ADD3: variants seen among roughly 807,000 people sequenced by gnomAD.
The protein encoded by ADD3 is adducin 3, also known as gamma-adducin.
In ADD3, 25 loss-of-function variants were observed where a neutral mutation model predicts 80.2. The observed-to-expected ratio is 0.31, with a 90% CI of 0.23 to 0.44. The LOEUF (loss-of-function observed/expected upper bound fraction) is 0.44. ADD3 is among the 20% of genes least tolerant of loss of function. ADD3 has a pLI of 1.00. For missense variants in ADD3, 829 were observed against 847.5 expected (o/e 0.98, Z 0.27); for synonymous variants, 284 against 289.6 (o/e 0.98, Z 0.20).
chr10:110,093,445 A>G (rs1240971425), intron 1 of ADD3, among the ~76,000 whole-genome samples: 1 of 152,224 alleles, frequency 6.6e-6, no homozygotes, highest in East Asian at 1.9e-4. Flanking sequence ...GCTAAATTAT[A>G]TTAAAGTGAA....
At position 110,074,694 on chromosome 10, in the gene ADD3, G is replaced by A. The variant is rs192094587; in HGVS notation, c.-29-25931G>A. Among the ~76,000 whole-genome samples the A allele has an allele frequency of 6.1e-4, 93 of 151,242 alleles. 1 individual carries two copies. Among genetic ancestry groups the A allele is most frequent in the African/African-American group, 2.2e-3 (89 of 41,092 alleles). ...AATAACTAATCGCAAGTCATTTTAT[G>A]TACTGAAAATACAATATGACAGAAT... On this transcript the variant is annotated intron_variant, in intron 1 of 14. Coordinates refer to ENST00000356080, the MANE Select transcript of ADD3 (RefSeq NM_016824.5).
At chr10:110,122,659 G>A (rs1237581863) in intron 9 of ADD3, among the ~76,000 whole-genome samples, 1 of 149,382 alleles carries the variant, frequency 6.7e-6, no homozygotes, top group Non-Finnish European at 1.5e-5. Context: ...TTGGAGGCAG[G>A]ATCTTGCTTG....
intron 2 of ADD3, among the ~76,000 whole-genome samples, chr10:110,110,448 A>G (rs1849872044): frequency 2.0e-5 from 3 of 151,974 alleles, no homozygotes. Context: ...TTCACTGTTG[A>G]CTCAGATGTT....
intron 1 of ADD3, among the ~76,000 whole-genome samples, chr10:110,093,922 A>G (rs1847851517): frequency 6.6e-6 from 1 of 152,176 alleles, no homozygotes; most frequent in Non-Finnish European, 1.5e-5. Context: ...CTATTTTTGA[A>G]CAGTGGTTGA....
intron 1 of ADD3, among the ~76,000 whole-genome samples, chr10:110,082,699 T>A (rs766227943): frequency 6.6e-6 from 1 of 152,254 alleles, no homozygotes; most frequent in Non-Finnish European, 1.5e-5. Flanking sequence ...TCATTATTTG[T>A]ACGTGGTCTC....
intron 1 of ADD3, among the ~76,000 whole-genome samples, chr10:110,058,108 A>AT (rs34287994): frequency 0.017 from 2,434 of 144,404 alleles, 67 homozygotes; most frequent in African/African-American, 0.055. Flanking sequence ...TCTCCTGAAG[A>AT]TTTTTTTTTT....
intron 1 of ADD3, among the ~76,000 whole-genome samples, chr10:110,049,624 A>G (rs1857272810): frequency 6.6e-6 from 1 of 152,188 alleles, no homozygotes; most frequent in Admixed American, 6.5e-5. Flanking sequence ...GCGGTGGCTC[A>G]TGCCTGTAAG....
intron 1 of ADD3, among the ~76,000 whole-genome samples, chr10:110,100,350 A>AG (rs1491259910): frequency 1.5e-5 from 1 of 67,654 alleles, no homozygotes; most frequent in African/African-American, 2.1e-4. Context: ...ACTCCATCTC[A>AG]AAAAAAAAAA....
At chr10:110,079,563 CT>C (rs34455634) in intron 1 of ADD3, among the ~76,000 whole-genome samples, 15 of 125,622 alleles carry the variant, frequency 1.2e-4, no homozygotes, top group South Asian at 5.4e-4. Flanking sequence ...TACTCTTTTC[CT>C]TTTTTTTTTG....
intron 1 of ADD3, among the ~76,000 whole-genome samples, chr10:110,063,095 A>AT (rs974309443): frequency 8.6e-5 from 13 of 152,038 alleles, no homozygotes; most frequent in East Asian, 3.9e-4. Flanking sequence ...CAATGTCTTC[A>AT]TTTTTTTTAA....
chr10:110,115,044 A>G (rs1850539137), intron 3 of ADD3, among the ~76,000 whole-genome samples: 1 of 147,292 alleles, frequency 6.8e-6, no homozygotes, highest in African/African-American at 2.5e-5. Flanking sequence ...ACACCACTGC[A>G]TTGCAGCCTG....
intron 1 of ADD3, among the ~76,000 whole-genome samples, chr10:110,067,985 C>A (rs573426067): frequency 6.6e-6 from 1 of 151,902 alleles, no homozygotes; most frequent in African/African-American, 2.4e-5. Flanking sequence ...TGGAAAAACA[C>A]CCCCTTTCCT....
At chr10:110,098,570 G>A (rs529111933) in intron 1 of ADD3, among the ~76,000 whole-genome samples, 11 of 152,188 alleles carry the variant, frequency 7.2e-5, no homozygotes, top group Admixed American at 5.2e-4. Context: ...TCTGTGACTG[G>A]CTAAAGTTCT....
intron 9 of ADD3, among the ~76,000 whole-genome samples, chr10:110,122,927 C>T (rs1851699825): frequency 6.6e-6 from 1 of 152,024 alleles, no homozygotes; most frequent in African/African-American, 2.4e-5. Context: ...CTGCCATGCC[C>T]AACAAGTTCA....
chr10:110,019,836 A>G (rs1267574413), intron 1 of ADD3, among the ~76,000 whole-genome samples: 1 of 152,210 alleles, frequency 6.6e-6, no homozygotes, highest in African/African-American at 2.4e-5. Context: ...AATGGGGCTA[A>G]TAGAAGATGA....
At chr10:110,041,665 A>C (rs1303390388) in intron 1 of ADD3, among the ~76,000 whole-genome samples, 1 of 152,198 alleles carries the variant, frequency 6.6e-6, no homozygotes, top group Non-Finnish European at 1.5e-5. Context: ...TCTGTCATAC[A>C]AGAAATGCAA....
In ADD3 at chr10:110,125,845, C is replaced by T. The variant is rs764577167; in HGVS notation, c.1421C>T (p.Ser474Leu). 6.9e-6 allele frequency: 11 copies of T among 1,604,202 alleles called. No homozygotes were observed. Among genetic ancestry groups the T allele is most frequent in the Non-Finnish European group, 7.7e-6 (9 of 1,173,904 alleles). ...CTTTAGTGGATGAAAGCAGAAGACT[C>T]ATCTAAAGTTAGTGGTGGAACACCT... ...TKITWMKAED[S>L]SKVSGGTPIK... Residue 474 changes from serine to leucine, a missense_variant, in exon 11 of 15, where the codon TCA becomes TTA. Physicochemically the swap from Ser to Leu is moderately radical, Grantham distance 145. Transcript: ENST00000356080.
chr10:110,062,642 C>A (rs1461421654), intron 1 of ADD3, among the ~76,000 whole-genome samples: 1 of 152,204 alleles, frequency 6.6e-6, no homozygotes, highest in African/African-American at 2.4e-5. Flanking sequence ...AATGTACCCC[C>A]AAAATTTTCA....
intron 1 of ADD3, among the ~76,000 whole-genome samples, chr10:110,013,383 G>A (rs188178210): frequency 4.6e-5 from 7 of 152,306 alleles, no homozygotes; most frequent in East Asian, 1.9e-4. Context: ...GGTTACAGGC[G>A]TGAGCCACTG....
Sources: gnomAD v4.1 joint callset for allele counts (sites outside exome capture counted in the v4.1 genomes callset) on GRCh38, gnomAD v4.1.1 for gene constraint, MANE v1.5 for transcripts, NCBI Gene and HGNC (gene_info 2026-07-23, HGNC 2026-07-21) for gene names.